The following CCND3 variants were observed in gnomAD, a reference collection of about 807,000 sequenced individuals.
CCND3 encodes cyclin D3, also known as G1/S-specific cyclin-D3.
CCND3 carries 9 observed loss-of-function variants against 28.7 expected under a neutral mutation model. That is an observed-to-expected ratio of 0.31 (90% CI 0.19 to 0.55). The LOEUF is 0.55. Among genes scored for constraint, CCND3 ranks in the 20% least tolerant of loss-of-function variants. The pLI, the probability that CCND3 is intolerant of heterozygous loss-of-function variation, is 0.93. For missense variants in CCND3, 315 were observed against 385.8 expected, an observed-to-expected ratio of 0.82 and a Z score of 1.54; for synonymous variants, 164 against 163.9, an observed-to-expected ratio of 1.00 and a Z score of 0.00.
In CCND3 at chr6:41,980,010, T is replaced by TCACACA. The variant is rs58375638; in HGVS notation, c.-45-39431_-45-39426dup. ...CAATGAACATATGCTGCTTTCAAAATCACACACACACACACACACACACAC... is the reference window on the plus strand; with the variant it reads ...CAATGAACATATGCTGCTTTCAAAATCACACACACACACACACACACACACACACAC... On this transcript the variant is annotated intron_variant, in intron 1 of 4. Transcript: ENST00000372988. Among the ~76,000 whole-genome samples, 104 of 137,186 alleles carry TCACACA rather than the reference T, an allele frequency of 7.6e-4. 1 individual carries two copies. Among genetic ancestry groups the TCACACA allele is most frequent in the African/African-American group, 1.7e-3 (63 of 36,986 alleles). 90.0% of individuals were successfully genotyped at this position (137,186 alleles called of 152,430 possible).
chr6:41,936,123 A>T lies in CCND3; in HGVS notation c.712-16T>A. 6.4e-7 allele frequency: 1 copy of T among 1,557,818 alleles called. No individual in the cohort carries two copies. Among genetic ancestry groups the T allele is most frequent in the Non-Finnish European group, 8.7e-7 (1 of 1,151,298 alleles). ...GCAGGCAGTCCTGGGAACATGGGAG[A>T]AGAGTGAGGAGCAAACACTCCCCCC... On this transcript the variant is annotated splice_polypyrimidine_tract_variant and intron_variant, in intron 4 of 4. Coordinates refer to ENST00000372991, the MANE Select transcript of CCND3 (RefSeq NM_001760.5). This position sits in a 1 kb window ranked among gnomAD's most constrained non-coding sequence, Gnocchi z 4.4.
chr6:42,032,555 C>T (rs780055954), intron 1 of CCND3, among the ~76,000 whole-genome samples: 2 of 152,268 alleles, frequency 1.3e-5, no homozygotes, highest in Non-Finnish European at 2.9e-5. Flanking sequence ...AAGCCGGGCA[C>T]GGGCACGCCC....
At chr6:41,987,980 A>G (rs1040477775) in intron 1 of CCND3, among the ~76,000 whole-genome samples, 1 of 151,774 alleles carries the variant, frequency 6.6e-6, no homozygotes, top group African/African-American at 2.4e-5. Flanking sequence ...AAATTGCATC[A>G]CTGGTTCCCC....
At chr6:42,021,257 A>T (rs1763704988) in intron 1 of CCND3, among the ~76,000 whole-genome samples, 1 of 152,264 alleles carries the variant, frequency 6.6e-6, no homozygotes, top group Non-Finnish European at 1.5e-5. Context: ...AGGAAGAAAC[A>T]TAATATACAG....
chr6:42,034,391 AC>A (rs1367134246), intron 1 of CCND3, among the ~76,000 whole-genome samples: 1 of 130,772 alleles, frequency 7.6e-6, no homozygotes, highest in Non-Finnish European at 1.6e-5. Context: ...CAGGTGATCC[AC>A]CCGCCCTGGC....
In CCND3 at chr6:41,936,994, G is replaced by T; in HGVS notation, c.574+241C>A. 1.7e-6 allele frequency: 1 copy of T among 602,626 alleles called. No individual in the cohort carries two copies. 37.3% of individuals were successfully genotyped at this position (602,626 alleles called of 1,614,324 possible). ...GGGTTCTGTTCCCAACCTGTTCACT[G>T]TGAGACCTTGGGCAAGTCACTTCTC... On this transcript the variant is annotated intron_variant, in intron 3 of 4. Transcript: ENST00000372991. This position sits in a 1 kb window ranked among gnomAD's most constrained non-coding sequence, Gnocchi z 4.4.
At chr6:42,025,211 C>G (rs1763838528) in intron 1 of CCND3, among the ~76,000 whole-genome samples, 1 of 152,294 alleles carries the variant, frequency 6.6e-6, no homozygotes, top group Middle Eastern at 3.4e-3. Context: ...AAACAGGGAG[C>G]CTGACAGCTC....
At chr6:41,950,866 G>A (rs749393911) in intron 1 of CCND3, among the ~76,000 whole-genome samples, 2 of 151,790 alleles carry the variant, frequency 1.3e-5, no homozygotes, top group South Asian at 2.1e-4. Flanking sequence ...CCCCCACCAC[G>A]CCCAGCTAAT....
chr6:41,938,520 A>T lies in CCND3; in HGVS notation c.415-1126T>A, dbSNP rs1415951233. 6.6e-6 allele frequency among the ~76,000 whole-genome samples: 1 copy of T among 152,206 alleles called. No individual in the cohort carries two copies. The highest frequency in any genetic ancestry group is 1.5e-5 in the Non-Finnish European group (1 of 68,038). On this transcript the variant is annotated intron_variant, in intron 2 of 4. Transcript: ENST00000372991. The surrounding 1 kb of genome is among the most constrained non-coding windows in gnomAD (Gnocchi z 4.6). ...TGCATGTCCCAGGAGCCAACTCCTA[A>T]CTCAGCAGTAAACAGAAGGGACTCA...
At chr6:41,992,405 C>T (rs1355108333) in intron 1 of CCND3, among the ~76,000 whole-genome samples, 2 of 151,334 alleles carry the variant, frequency 1.3e-5, no homozygotes, top group Non-Finnish European at 2.9e-5. Context: ...TCAAGTAATC[C>T]TCCTGCCTCA....
intron 1 of CCND3, among the ~76,000 whole-genome samples, chr6:41,984,593 C>T (rs1236505511): frequency 6.6e-6 from 1 of 152,166 alleles, no homozygotes; most frequent in African/African-American, 2.4e-5. Context: ...GGTGATACAC[C>T]TGCCTCGGCC....
chr6:41,958,594 T>G (rs2127403077), intron 1 of CCND3, among the ~76,000 whole-genome samples: 1 of 152,344 alleles, frequency 6.6e-6, no homozygotes, highest in South Asian at 2.1e-4. Flanking sequence ...TGCTTTGCTT[T>G]CCTTCTTACT....
chr6:41,970,389 G>T (rs1312379303), intron 1 of CCND3, among the ~76,000 whole-genome samples: 1 of 152,080 alleles, frequency 6.6e-6, no homozygotes, highest in Non-Finnish European at 1.5e-5. Flanking sequence ...AACAAAATGG[G>T]ATGGTAATAT....
intron 1 of CCND3, among the ~76,000 whole-genome samples, chr6:42,015,082 A>C (rs961232645): frequency 3.9e-5 from 6 of 152,132 alleles, no homozygotes; most frequent in African/African-American, 1.4e-4. Context: ...TCCTACAACA[A>C]TCCTTCCATT....
chr6:42,027,304 G>A (rs1317900549), intron 1 of CCND3, among the ~76,000 whole-genome samples: 7 of 152,106 alleles, frequency 4.6e-5, no homozygotes, highest in African/African-American at 1.7e-4. Flanking sequence ...GGCAGGCTTG[G>A]TGGCAGGCGC....
intron 1 of CCND3, among the ~76,000 whole-genome samples, chr6:42,003,261 C>T (rs190882466): frequency 2.6e-5 from 4 of 151,386 alleles, no homozygotes; most frequent in Admixed American, 6.6e-5. Context: ...AGCAATGGCT[C>T]ACACCTGTAA....
chr6:42,046,189 C>A (rs1364984723), intron 1 of CCND3, among the ~76,000 whole-genome samples: 4 of 152,112 alleles, frequency 2.6e-5, no homozygotes, highest in Non-Finnish European at 5.9e-5. Flanking sequence ...GTGGGGAGGG[C>A]CCTTGTAAGA....
At chr6:42,013,546 T>C (rs1384205643) in intron 1 of CCND3, among the ~76,000 whole-genome samples, 2 of 152,206 alleles carry the variant, frequency 1.3e-5, no homozygotes, top group African/African-American at 4.8e-5. Flanking sequence ...TTAAGCCACA[T>C]CTCACCTATC....
At position 41,993,715 on chromosome 6, in the gene CCND3, G is replaced by A. The variant is rs544600494; in HGVS notation, c.-45-53130C>T. On this transcript the variant is annotated intron_variant, in intron 1 of 4. Transcript: ENST00000372988. ...CAGTGGTTCACTATCACGAGGTCAG[G>A]AGTTTGAGACCAGCCTGGCCAACAT... Among the ~76,000 whole-genome samples the A allele has an allele frequency of 5.9e-4, 90 of 151,832 alleles. 1 individual carries two copies. Among genetic ancestry groups the A allele is most frequent in the African/African-American group, 2.1e-3 (87 of 41,458 alleles).
Sources: allele counts gnomAD v4.1 joint callset (sites outside exome capture counted in the v4.1 genomes callset), GRCh38; gene constraint gnomAD v4.1.1; non-coding constraint Gnocchi (gnomAD v3.1); transcripts MANE v1.5; gene names NCBI Gene and HGNC (gene_info 2026-07-23, HGNC 2026-07-21).